LIMCH1: variants seen among roughly 807,000 people sequenced by gnomAD.
LIMCH1 encodes the protein LIM and calponin homology domains 1, also known as LIM and calponin homology domains-containing protein 1.
In LIMCH1, 113 loss-of-function variants were observed where a neutral mutation model predicts 176.5. The ratio of observed to expected loss-of-function variants is 0.64; its 90% CI spans 0.55 to 0.75. The LOEUF (loss-of-function observed/expected upper bound fraction) is 0.75. Among genes scored for constraint, LIMCH1 ranks in the 30% least tolerant of loss-of-function variants. The pLI is 0.00. For synonymous variants in LIMCH1, 619 were observed against 645.9 expected (o/e 0.96, Z 0.63); for missense variants, 1,674 against 1,814.9 (o/e 0.92, Z 1.41).
chr4:41,646,063 A>G, intron 15 of LIMCH1, 60 bp from the exon 16 acceptor site: 1 of 1,518,278 alleles, frequency 6.6e-7, no homozygotes, highest in Non-Finnish European at 8.9e-7. Context: ...ACTCTGAAGA[A>G]TAGAAATGGA....
chr4:41,466,168 A>G (rs568305955), intron 1 of LIMCH1, among the ~76,000 whole-genome samples: 38 of 152,308 alleles, frequency 2.5e-4, no homozygotes, highest in Non-Finnish European at 5.0e-4. Flanking sequence ...CATGTTGGCC[A>G]GGATGGTCTG....
intron 4 of LIMCH1, among the ~76,000 whole-genome samples, chr4:41,611,060 A>C (rs892387323): frequency 2.6e-5 from 4 of 152,218 alleles, no homozygotes; most frequent in Admixed American, 1.3e-4. Context: ...GATATTTCCA[A>C]ATCCAAAAAA....
intron 1 of LIMCH1, among the ~76,000 whole-genome samples, chr4:41,574,276 TCCCCTCCCCTCCCCTCCCCTC>T (rs2084076430): frequency 7.2e-5 from 1 of 13,826 alleles, no homozygotes; most frequent in African/African-American, 3.0e-4. Context: ...TCCCCTCCCC[TCCCCTCCCCTCCCCTCCCCTC>T]CCCTCTCCTT....
rs747652131 is a variant in LIMCH1, at chr4:41,609,718, T to G, written c.9+3714T>G. On this transcript the variant is annotated intron_variant, in intron 4 of 31. Coordinates refer to ENST00000503057, the MANE Select transcript of LIMCH1 (RefSeq NM_001330672.2). ...GTTCTCACCCCTTCATTAACATACT[T>G]TAACTAGAGTAACTCAGTAGCAGTT... is the stretch of plus-strand genomic sequence containing the variant. The G allele has an allele frequency of 1.3e-3, 570 of 452,702 alleles. 2 individuals carry two copies. Among genetic ancestry groups the G allele is most frequent in the Non-Finnish European group, 2.0e-3 (453 of 225,378 alleles). The allele number at this position is 452,702 out of a possible 1,614,324, so 28.0% of individuals were successfully genotyped here.
rs148086489 is a variant in LIMCH1 at position 41,641,179 on chromosome 4, G to A, written c.2126+2212G>A. ...ATCCCAACAGCCCAAGGGCATAGAC[G>A]TAGGTACTGAGGAGCACAGGATTAG... On this transcript the variant is annotated intron_variant, in intron 14 of 31. Transcript: ENST00000503057. Among the ~76,000 whole-genome samples the A allele has an allele frequency of 5.4e-3, 829 of 152,196 alleles. 3 individuals are homozygous for A. The highest frequency in any genetic ancestry group is 0.022 in the South Asian group (107 of 4,818).
chr4:41,628,542 C>T (rs1224158289), intron 8 of LIMCH1, among the ~76,000 whole-genome samples: 1 of 152,036 alleles, frequency 6.6e-6, no homozygotes. Flanking sequence ...CATGCCAAAT[C>T]ATCAAGGTAA....
chr4:41,394,653 A>T (rs559104843), intron 1 of LIMCH1, among the ~76,000 whole-genome samples: 74 of 152,314 alleles, frequency 4.9e-4, no homozygotes, highest in Admixed American at 1.7e-3. Flanking sequence ...AAGATTCCTT[A>T]TTATGAGTCA....
At chr4:41,691,011 T>G (rs1175184849) in intron 30 of LIMCH1, among the ~76,000 whole-genome samples, 1 of 152,216 alleles carries the variant, frequency 6.6e-6, no homozygotes, top group Non-Finnish European at 1.5e-5. Flanking sequence ...CACTGCATTC[T>G]GTTCTCAGAA....
intron 1 of LIMCH1, among the ~76,000 whole-genome samples, chr4:41,390,002 T>C (rs2057017908): frequency 6.6e-6 from 1 of 152,172 alleles, no homozygotes; most frequent in Admixed American, 6.5e-5. Context: ...TTCTCTGCAT[T>C]CACCTTAAGG....
At chr4:41,440,824 G>A (rs375870670) in intron 1 of LIMCH1, among the ~76,000 whole-genome samples, 33 of 152,118 alleles carry the variant, frequency 2.2e-4, no homozygotes, top group Non-Finnish European at 3.4e-4. Context: ...ATAAGCCACC[G>A]CACCTGGCCC....
intron 14 of LIMCH1, among the ~76,000 whole-genome samples, chr4:41,640,863 G>A (rs115604608): frequency 1.3e-3 from 201 of 152,106 alleles, no homozygotes; most frequent in African/African-American, 4.5e-3. Context: ...CAGACCTACC[G>A]CACAGGCAAA....
At chr4:41,606,125 A>T (rs2090672690) in intron 4 of LIMCH1, 121 bp downstream of exon 4, 1 of 609,676 alleles carries the variant, frequency 1.6e-6, no homozygotes, top group Non-Finnish European at 3.0e-6. Flanking sequence ...AAAGATATGC[A>T]CTCAAGGAAA....
In LIMCH1 at chr4:41,404,760, CAG is replaced by C. The variant is rs1454512838; in HGVS notation, c.96+43827_96+43828del. 2.0e-5 allele frequency among the ~76,000 whole-genome samples: 3 copies of C among 152,266 alleles called. No individual in the cohort carries two copies. The South Asian group carries it at 6.2e-4, about 32-fold the overall frequency. On this transcript the variant is annotated intron_variant, in intron 1 of 26. Coordinates refer to the LIMCH1 transcript ENST00000313860. ...TGCCACTACGCTCCAGCCTGGGTGA[CAG>C]AGTGAGATTCTGTCTCAAAAAACAA... is the stretch of plus-strand genomic sequence containing the variant.
chr4:41,412,381 C>T (rs1230097715), intron 1 of LIMCH1, among the ~76,000 whole-genome samples: 3 of 152,132 alleles, frequency 2.0e-5, no homozygotes, highest in Middle Eastern at 3.2e-3. Flanking sequence ...ATATCTCAAT[C>T]TGCATTTTTC....
chr4:41,543,349 G>A (rs1583776555), intron 1 of LIMCH1, among the ~76,000 whole-genome samples: 1 of 152,080 alleles, frequency 6.6e-6, no homozygotes, highest in Non-Finnish European at 1.5e-5. Flanking sequence ...ATATGTTTGA[G>A]TGTATTGTTA....
Position 41,632,669 on chromosome 4 carries a change from T to A in LIMCH1, c.1602-80T>A, listed in dbSNP as rs138699861. ...CCACATTCTTCTCTTAATCTTTCAG[T>A]CCCAAGGACTTTCACTGTCTTCTTT... On this transcript the variant is annotated intron_variant, in intron 10 of 31. Transcript: ENST00000503057. The A allele has an allele frequency of 1.3e-4, 148 of 1,114,146 alleles. No individual in the cohort carries two copies. The African/African-American group carries it at 2.0e-3, about 15-fold the overall frequency. 69.0% of individuals were successfully genotyped at this position (1,114,146 alleles called of 1,614,324 possible).
intron 31 of LIMCH1, among the ~76,000 whole-genome samples, chr4:41,694,422 A>G (rs776590860): frequency 2.2e-4 from 33 of 152,222 alleles, no homozygotes; most frequent in Non-Finnish European, 3.1e-4. Flanking sequence ...AGAGATACAT[A>G]TAAGTATGAT....
chr4:41,520,961 T>C (rs1041774091), intron 2 of LIMCH1, among the ~76,000 whole-genome samples: 26 of 152,164 alleles, frequency 1.7e-4, no homozygotes, highest in Non-Finnish European at 3.5e-4. Context: ...AGTGGAGATA[T>C]TCCTCCAAGT....
rs146754310 is a variant in LIMCH1, at chr4:41,382,602, G to A, written c.96+21666G>A. On this transcript the variant is annotated intron_variant, in intron 1 of 26. Coordinates refer to the LIMCH1 transcript ENST00000313860. ...GTGGAAAGGAGGGGAGGGCTTCCAG[G>A]CACATTTGGTGTAAAATGGATACAA... Among the ~76,000 whole-genome samples, 1,086 of 152,208 alleles carry A rather than the reference G, an allele frequency of 7.1e-3. 16 individuals carry two copies. Among genetic ancestry groups the A allele is most frequent in the African/African-American group, 0.025 (1,041 of 41,528 alleles).
Sources: gnomAD v4.1 joint callset for allele counts (sites outside exome capture counted in the v4.1 genomes callset) on GRCh38, gnomAD v4.1.1 for gene constraint, MANE v1.5 for transcripts, NCBI Gene and HGNC (gene_info 2026-07-23, HGNC 2026-07-21) for gene names.